The following TXLNA variants were observed in gnomAD, a reference collection of about 807,000 sequenced individuals.
The protein encoded by TXLNA is taxilin alpha.
In TXLNA, 9 loss-of-function variants were observed where a neutral mutation model predicts 61.4. That is an observed-to-expected ratio of 0.15 (90% CI 0.09 to 0.26). The LOEUF is 0.26. Among genes scored for constraint, TXLNA ranks in the 10% least tolerant of loss-of-function variants. The pLI is 1.00. For synonymous variants in TXLNA, 257 were observed against 267.7 expected, an observed-to-expected ratio of 0.96 and a Z score of 0.39; for missense variants, 565 against 688.8, an observed-to-expected ratio of 0.82 and a Z score of 2.01.
At chr1:32,185,945 G>A (rs1177231794) in intron 4 of TXLNA, among the ~76,000 whole-genome samples, 3 of 151,974 alleles carry the variant, frequency 2.0e-5, no homozygotes, top group African/African-American at 7.3e-5. Flanking sequence ...TGATCCGCCC[G>A]TCTCAGCCTC....
At position 32,192,023 on chromosome 1, in the gene TXLNA, A is replaced by G. The variant is rs151045671; in HGVS notation, c.964-288A>G. Among the ~76,000 whole-genome samples, 14 of 152,394 alleles carry G rather than the reference A, an allele frequency of 9.2e-5. No homozygotes were observed. Among genetic ancestry groups the G allele is most frequent in the Non-Finnish European group, 1.8e-4 (12 of 68,040 alleles). On this transcript the variant is annotated intron_variant, in intron 6 of 10. Coordinates refer to ENST00000373610, the MANE Select transcript of TXLNA (RefSeq NM_175852.4). This position sits in a 1 kb window ranked among gnomAD's most constrained non-coding sequence, Gnocchi z 4.2. ...AGGGCTTCCAGCCCCATAGGTGATC[A>G]ATCCTGGGGTCAGAGATTTGAGTGT...
rs139122918 is a variant in TXLNA at position 32,185,394 on chromosome 1, T to G, written c.597+778T>G. ...TGTATGTATGTATGTATGTATTTATTTATTTATTTATTTTTTGAGACGGGG... is the reference window on the plus strand; with the variant it reads ...TGTATGTATGTATGTATGTATTTATGTATTTATTTATTTTTTGAGACGGGG... On this transcript the variant is annotated intron_variant, in intron 4 of 10. Transcript: ENST00000373610. Among the ~76,000 whole-genome samples, 554 of 151,786 alleles carry G rather than the reference T, an allele frequency of 3.6e-3. 4 individuals carry two copies. The highest frequency in any genetic ancestry group is 6.0e-3 in the Non-Finnish European group (404 of 67,842).
In TXLNA at chr1:32,192,450, G is replaced by A. The variant is rs1338701705; in HGVS notation, c.1083+20G>A. 1 of 1,530,502 alleles carries A rather than the reference G, an allele frequency of 6.5e-7. No homozygotes were observed. 94.8% of individuals were successfully genotyped at this position (1,530,502 alleles called of 1,614,324 possible). ...GATTTTGTGAGGCTCAGGCCCCAGG[G>A]TTGGGGTGGGGGTGGGAGGAGACAG... is the stretch of plus-strand genomic sequence containing the variant. On this transcript the variant is annotated intron_variant, in intron 7 of 10. Transcript: ENST00000373610. The surrounding 1 kb of genome is among the most constrained non-coding windows in gnomAD (Gnocchi z 4.2).
chr1:32,196,846 T>A lies in TXLNA; in HGVS notation c.*1651T>A, dbSNP rs1643036519. On this transcript the variant is annotated 3_prime_UTR_variant, in exon 11 of 11. Transcript: ENST00000373610. ...AGAATGTTAAGTACTGAATCATGTG[T>A]GACTGAGACCAGAGATGGCAAATGA... is the stretch of plus-strand genomic sequence containing the variant. The A allele has an allele frequency of 6.6e-6, 1 of 152,270 alleles. No individual in the cohort carries two copies. The allele number at this position is 152,270 out of a possible 1,614,324, so 9.4% of individuals were successfully genotyped here.
Position 32,180,363 on chromosome 1 carries a change from A to G in TXLNA, c.18A>G (p.Lys6=). Residue 6 remains lysine (K), a synonymous_variant, in exon 2 of 11, where the codon AAA becomes AAG. Coordinates refer to ENST00000373610, the MANE Select transcript of TXLNA (RefSeq NM_175852.4). MKNQD[K]KNGAAKQSNP... ...TCATCACAATGAAGAACCAAGACAA[A>G]AAGAACGGGGCTGCCAAACAATCCA... 1 of 1,611,858 alleles carries G rather than the reference A, an allele frequency of 6.2e-7. No homozygotes were observed. Among genetic ancestry groups the G allele is most frequent in the Non-Finnish European group, 8.5e-7 (1 of 1,179,374 alleles).
chr1:32,190,124 A>C lies in TXLNA; in HGVS notation c.838A>C (p.Thr280Pro), dbSNP rs1317298524. The part of the protein sequence containing the change: ...RKEVTSHFQV[T>P]LNDIQLQMEQ... ...GGAGGTGACCTCGCACTTCCAGGTG[A>C]CACTGAATGACATTCAGCTGCAGAT... The change falls in exon 6 of 11, where the codon ACA becomes CCA. Residue 280 changes from threonine (T) to proline (P), a missense_variant. By Grantham distance (38) the Thr-to-Pro change is conservative. This residue lies in a region of TXLNA where 373 missense variants were observed against 504.0 expected (regional missense o/e 0.74). Transcript: ENST00000373610. The C allele has an allele frequency of 6.3e-7, 1 of 1,595,258 alleles. No individual in the cohort carries two copies. The highest frequency in any genetic ancestry group is 8.5e-7 in the Non-Finnish European group (1 of 1,171,010).
intron 4 of TXLNA, among the ~76,000 whole-genome samples, chr1:32,185,518 G>A (rs911548709): frequency 6.0e-5 from 9 of 150,042 alleles, no homozygotes; most frequent in East Asian, 2.0e-4. Context: ...TCAGCCTCCC[G>A]AGTAGCTGGG....
rs1642965163 is a variant in TXLNA, at chr1:32,194,180, C to T, written c.1347+20C>T. 5.0e-6 allele frequency: 8 copies of T among 1,605,098 alleles called. No individual in the cohort carries two copies. The East Asian group carries it at 1.8e-4, about 36-fold the overall frequency. On this transcript the variant is annotated intron_variant, in intron 10 of 10. Coordinates refer to ENST00000373610, the MANE Select transcript of TXLNA (RefSeq NM_175852.4). The stretch of plus-strand genomic sequence containing the variant: ...GAGGAGGTGGGCTGTCTGTGATCTG[C>T]AGCCAGGGTGGGGGTGTGCACTTAG...
chr1:32,194,826 G>A, intron 10 of TXLNA, 76 bp from the exon 11 acceptor site: 2 of 1,511,282 alleles, frequency 1.3e-6, no homozygotes, highest in African/African-American at 2.8e-5. Context: ...CCTTGTTAAA[G>A]TGTTTGCCGC....
At chr1:32,189,174 C>T (rs1237449463) in intron 5 of TXLNA, among the ~76,000 whole-genome samples, 2 of 152,046 alleles carry the variant, frequency 1.3e-5, no homozygotes, top group African/African-American at 2.4e-5. Flanking sequence ...ACATATAGAA[C>T]TATAGTGAAA....
At chr1:32,188,238 C>T (rs1398677640) in intron 5 of TXLNA, 114 bp downstream of exon 5, 57 of 1,105,852 alleles carry the variant, frequency 5.2e-5, no homozygotes, top group Non-Finnish European at 6.8e-5. Flanking sequence ...GGCGCAGTGG[C>T]ACACATAAGT....
At position 32,195,843 on chromosome 1, in the gene TXLNA, A is replaced by G. The variant is rs1643009566; in HGVS notation, c.*648A>G. ...GGCATCGCTTCCCCTGCCCTTTGGTAGTGCCAGGACCAGGCCAATGATGCT... is the reference window on the plus strand; with the variant it reads ...GGCATCGCTTCCCCTGCCCTTTGGTGGTGCCAGGACCAGGCCAATGATGCT... On this transcript the variant is annotated 3_prime_UTR_variant, in exon 11 of 11. Transcript: ENST00000373610. 2.2e-6 allele frequency: 1 copy of G among 454,674 alleles called. No homozygotes were observed. The highest frequency in any genetic ancestry group is 2.0e-5 in the African/African-American group (1 of 50,070). The allele number at this position is 454,674 out of a possible 1,614,324, so 28.2% of individuals were successfully genotyped here.
chr1:32,192,743 T>A lies in TXLNA; in HGVS notation c.1158+12T>A, dbSNP rs1283141371. ...ACCTGAAGCAACAGGTGAGAGCATA[T>A]AACCTGACCCTGTGCCTTCAAGTTT... On this transcript the variant is annotated intron_variant, in intron 8 of 10. Coordinates refer to ENST00000373610, the MANE Select transcript of TXLNA (RefSeq NM_175852.4). The surrounding 1 kb of genome is among the most constrained non-coding windows in gnomAD (Gnocchi z 4.2). 1.2e-6 allele frequency: 2 copies of A among 1,614,050 alleles called. No individual in the cohort carries two copies. The highest frequency in any genetic ancestry group is 1.7e-5 in the Admixed American group (1 of 60,028).
rs140084402 is a variant in TXLNA at position 32,180,397 on chromosome 1, A to G, written c.52A>G (p.Ser18Gly). 2.5e-6 allele frequency: 4 copies of G among 1,614,000 alleles called. No homozygotes were observed. The African/African-American group carries it at 4.0e-5, about 16-fold the overall frequency. ...NGAAKQSNPKSSPGQPEAGPE... is the reference protein window; with the variant it reads ...NGAAKQSNPKGSPGQPEAGPE... Reference sequence around the variant, plus strand: ...GGCTGCCAAACAATCCAATCCAAAAAGCAGCCCAGGACAACCGGAAGCAGG... The same window carrying G: ...GGCTGCCAAACAATCCAATCCAAAAGGCAGCCCAGGACAACCGGAAGCAGG... Residue 18 changes from serine (S) to glycine (G), a missense_variant, in exon 2 of 11, where the codon AGC becomes GGC. This residue lies in a region of TXLNA where 192 missense variants were observed against 184.8 expected (regional missense o/e 1.04). Coordinates refer to ENST00000373610, the MANE Select transcript of TXLNA (RefSeq NM_175852.4).
In TXLNA at chr1:32,195,344, G is replaced by A; in HGVS notation, c.*149G>A. The A allele has an allele frequency of 1.2e-6, 1 of 868,408 alleles. No homozygotes were observed. The highest frequency in any genetic ancestry group is 1.8e-6 in the Non-Finnish European group (1 of 571,326). 53.8% of individuals were successfully genotyped at this position (868,408 alleles called of 1,614,324 possible). A position where few individuals can be genotyped will look rare whatever the true frequency, so the allele number is the denominator to read the frequency against. On this transcript the variant is annotated 3_prime_UTR_variant, in exon 11 of 11. Transcript: ENST00000373610. ...GCACTTGCAATTTTGGATTTTGTGG[G>A]TCAGTTTTACGTACATAGGGCATTT...
At chr1:32,191,609 ACTACCAGGCC>A (rs1642908712) in intron 6 of TXLNA, among the ~76,000 whole-genome samples, 1 of 152,116 alleles carries the variant, frequency 6.6e-6, no homozygotes, top group Non-Finnish European at 1.5e-5. Flanking sequence ...GAGGTGCAGG[ACTACCAGGCC>A]CTGCTGCTTT....
intron 2 of TXLNA, 40 bp downstream of exon 2, chr1:32,180,554 A>T: frequency 6.4e-7 from 1 of 1,551,340 alleles, no homozygotes; most frequent in Non-Finnish European, 8.7e-7. Context: ...CAGGGGGAGG[A>T]GCTGTGGGGT....
rs1557508155 is a variant in TXLNA, at chr1:32,195,039, CCTCA to C, written c.1488_1491del (p.Asp498ValfsTer69). Reference sequence around the variant, plus strand: ...ACCTGAGTGCTGGTGGCCAGGGCTCCCTCACTGACAGTGGCCCTGAGAGGAGGCC... The same window carrying C: ...ACCTGAGTGCTGGTGGCCAGGGCTCCCTGACAGTGGCCCTGAGAGGAGGCC... On this transcript the variant is annotated frameshift_variant, in exon 11 of 11. Transcript: ENST00000373610. LOFTEE classifies it high-confidence loss of function. 6.8e-6 allele frequency: 11 copies of C among 1,614,128 alleles called. No individual in the cohort carries two copies. The highest frequency in any genetic ancestry group is 9.3e-6 in the Non-Finnish European group (11 of 1,179,998).
intron 2 of TXLNA, 21 bp from the exon 3 acceptor site, chr1:32,181,221 C>T: frequency 2.0e-6 from 3 of 1,534,646 alleles, no homozygotes; most frequent in Non-Finnish European, 2.6e-6. Flanking sequence ...TCACTCTACC[C>T]CTCATCCTCT....
Sources: allele counts gnomAD v4.1 joint callset (sites outside exome capture counted in the v4.1 genomes callset), GRCh38; gene constraint gnomAD v4.1.1; regional missense constraint gnomAD v4.1.1; non-coding constraint Gnocchi (gnomAD v3.1); transcripts MANE v1.5; gene names NCBI Gene and HGNC (gene_info 2026-07-23, HGNC 2026-07-21).